CADM2: variants seen among roughly 807,000 people sequenced by gnomAD.
CADM2 encodes the protein cell adhesion molecule 2.
Under a neutral mutation model 49.8 loss-of-function variants are expected in CADM2, and 12 were observed. The observed-to-expected ratio is 0.24, with a 90% CI of 0.15 to 0.39. CADM2 has a LOEUF of 0.39. Among genes scored for constraint, CADM2 ranks in the 10% least tolerant of loss-of-function variants. The pLI is 1.00. For missense variants in CADM2, 378 were observed against 492.3 expected, an observed-to-expected ratio of 0.77 and a Z score of 2.20; for synonymous variants, 214 against 175.4, an observed-to-expected ratio of 1.22 and a Z score of -1.74.
intron 1 of CADM2, among the ~76,000 whole-genome samples, chr3:85,041,124 A>G (rs1179645731): frequency 6.6e-6 from 1 of 152,142 alleles, no homozygotes; most frequent in African/African-American, 2.4e-5. Flanking sequence ...TTAATTACTT[A>G]GTCTCTAAAA....
Position 85,835,118 on chromosome 3 carries a change from A to G in CADM2, c.238+32922A>G, listed in dbSNP as rs532925662. Among the ~76,000 whole-genome samples, 24 of 151,678 alleles carry G rather than the reference A, an allele frequency of 1.6e-4. No individual in the cohort carries two copies. In the South Asian group the frequency reaches 3.5e-3, roughly 22 times the overall value. ...TTGATGGACATCCAACTTGCAGTGA[A>G]CAATGCAAAATTTTAAAAATTTAAA... is the stretch of plus-strand genomic sequence containing the variant. On this transcript the variant is annotated intron_variant, in intron 3 of 9. Transcript: ENST00000383699.
intron 3 of CADM2, among the ~76,000 whole-genome samples, chr3:85,849,062 T>C (rs1011346566): frequency 2.6e-5 from 4 of 152,174 alleles, no homozygotes; most frequent in Admixed American, 2.6e-4. Flanking sequence ...AACTGTGGGA[T>C]GATATTTCTC....
intron 1 of CADM2, among the ~76,000 whole-genome samples, chr3:85,210,652 C>G (rs919584993): frequency 6.6e-6 from 1 of 152,078 alleles, no homozygotes; most frequent in Non-Finnish European, 1.5e-5. Flanking sequence ...AGCCATCCTC[C>G]CACCTGAGCC....
intron 1 of CADM2, among the ~76,000 whole-genome samples, chr3:85,444,981 G>C (rs2037378161): frequency 6.6e-6 from 1 of 152,070 alleles, no homozygotes; most frequent in Non-Finnish European, 1.5e-5. Flanking sequence ...GATAAAGACT[G>C]TGTATATTAT....
intron 1 of CADM2, among the ~76,000 whole-genome samples, chr3:85,576,982 A>G (rs1219487477): frequency 6.6e-6 from 1 of 152,144 alleles, no homozygotes; most frequent in Admixed American, 6.5e-5. Context: ...TTGTTGGCTG[A>G]CTAAAATGAC....
At chr3:85,537,399 C>A (rs2061445657) in intron 1 of CADM2, among the ~76,000 whole-genome samples, 1 of 151,864 alleles carries the variant, frequency 6.6e-6, no homozygotes, top group Non-Finnish European at 1.5e-5. Context: ...ATTCTGAATT[C>A]AATGTTAAAT....
chr3:85,140,819 C>A (rs1205920466), intron 1 of CADM2, among the ~76,000 whole-genome samples: 1 of 152,138 alleles, frequency 6.6e-6, no homozygotes, highest in Non-Finnish European at 1.5e-5. Flanking sequence ...CACAGCTTGT[C>A]TTTAACTTGG....
At chr3:85,864,863 C>CT (rs2075666537) in intron 3 of CADM2, among the ~76,000 whole-genome samples, 1 of 152,068 alleles carries the variant, frequency 6.6e-6, no homozygotes. Flanking sequence ...GAATTTTCTT[C>CT]TTTTTGCTAT....
intron 8 of CADM2, chr3:85,979,279 C>A (rs1559779546): frequency 6.2e-7 from 1 of 1,609,948 alleles, no homozygotes. Flanking sequence ...CCAGCAGCAT[C>A]AGAGGTACAG....
At chr3:85,640,587 G>A (rs912554803) in intron 1 of CADM2, among the ~76,000 whole-genome samples, 1 of 152,126 alleles carries the variant, frequency 6.6e-6, no homozygotes, top group Non-Finnish European at 1.5e-5. Flanking sequence ...AAGACGTTTG[G>A]TATGTCAGGA....
intron 1 of CADM2, among the ~76,000 whole-genome samples, chr3:85,403,294 G>A (rs191183869): frequency 2.9e-4 from 44 of 152,132 alleles, no homozygotes; most frequent in Admixed American, 9.2e-4. Context: ...ACACCAAACC[G>A]AAATTGAGTA....
intron 8 of CADM2, among the ~76,000 whole-genome samples, chr3:86,023,072 C>A (rs1036837990): frequency 1.3e-5 from 2 of 152,130 alleles, no homozygotes; most frequent in African/African-American, 2.4e-5. Flanking sequence ...TCATTTTACC[C>A]AGTCCCCCTT....
At chr3:85,633,308 C>T (rs542120800) in intron 1 of CADM2, among the ~76,000 whole-genome samples, 2 of 151,990 alleles carry the variant, frequency 1.3e-5, no homozygotes, top group Non-Finnish European at 2.9e-5. Context: ...CTGTAATATT[C>T]TCCCATATGA....
intron 1 of CADM2, among the ~76,000 whole-genome samples, chr3:85,111,375 A>C (rs1420652287): frequency 6.6e-6 from 1 of 151,866 alleles, no homozygotes; most frequent in African/African-American, 2.4e-5. Context: ...TTAAGCCTGT[A>C]TACCCCAGGT....
intron 8 of CADM2, among the ~76,000 whole-genome samples, chr3:85,980,190 T>C (rs966832982): frequency 4.0e-5 from 6 of 151,562 alleles, no homozygotes; most frequent in Admixed American, 1.3e-4. Context: ...TCTACTAATA[T>C]CTGTGAAATT....
At chr3:85,089,338 C>T (rs987657959) in intron 1 of CADM2, among the ~76,000 whole-genome samples, 2 of 152,052 alleles carry the variant, frequency 1.3e-5, no homozygotes, top group Non-Finnish European at 2.9e-5. Context: ...AAAATTGCCC[C>T]ATTTTTCTCT....
At chr3:85,219,483 A>G (rs1044706392) in intron 1 of CADM2, among the ~76,000 whole-genome samples, 3 of 152,174 alleles carry the variant, frequency 2.0e-5, no homozygotes, top group Admixed American at 6.5e-5. Flanking sequence ...AAAAGTATCC[A>G]TCAACTCTGC....
At chr3:85,713,414 G>A in intron 1 of CADM2, among the ~76,000 whole-genome samples, 1 of 152,100 alleles carries the variant, frequency 6.6e-6, no homozygotes, top group East Asian at 1.9e-4. Context: ...CTCCTAAAGT[G>A]CTGGGAATTA....
intron 1 of CADM2, among the ~76,000 whole-genome samples, chr3:85,065,819 C>T (rs1482282315): frequency 6.6e-6 from 1 of 152,138 alleles, no homozygotes; most frequent in African/African-American, 2.4e-5. Flanking sequence ...AGACATAGAA[C>T]TGTACTTTGG....
Sources: allele counts gnomAD v4.1 joint callset (sites outside exome capture counted in the v4.1 genomes callset), GRCh38; gene constraint gnomAD v4.1.1; transcripts MANE v1.5; gene names NCBI Gene and HGNC (gene_info 2026-07-23, HGNC 2026-07-21).